SH3KBP1: variants seen among roughly 807,000 people sequenced by gnomAD.
SH3KBP1 encodes SH3 domain-containing kinase-binding protein 1.
A neutral mutation model predicts 50.1 loss-of-function variants in SH3KBP1; 8 were observed. The observed-to-expected ratio is 0.16, with a 90% CI of 0.09 to 0.29. The LOEUF (loss-of-function observed/expected upper bound fraction) is 0.29, where lower values mean the gene tolerates loss of function less well. Among genes scored for constraint, SH3KBP1 ranks in the 10% least tolerant of loss-of-function variants. The pLI is 1.00. For missense variants in SH3KBP1, 377 were observed against 535.2 expected, an observed-to-expected ratio of 0.70 and a Z score of 2.92; for synonymous variants, 227 against 218.6, an observed-to-expected ratio of 1.04 and a Z score of -0.34.
intron 2 of SH3KBP1, among the ~76,000 whole-genome samples, chrX:19,798,136 G>A (rs1034837609): frequency 3.6e-5 from 4 of 111,131 alleles, no homozygotes; most frequent in African/African-American, 1.3e-4. Flanking sequence ...CCAGGCTGGA[G>A]TGCAGTAGCG....
intron 3 of SH3KBP1, among the ~76,000 whole-genome samples, chrX:19,722,569 G>GGTGTGTGTGTGTGTGT (rs55675573): frequency 2.4e-5 from 2 of 84,259 alleles, no homozygotes; most frequent in African/African-American, 9.2e-5. Flanking sequence ...CGTGCGCACT[G>GGTGTGTGTGTGTGTGT]GTGTGTGTGT....
intron 14 of SH3KBP1, among the ~76,000 whole-genome samples, chrX:19,548,349 G>T (rs1439272481): frequency 9.0e-6 from 1 of 111,553 alleles, no homozygotes; most frequent in Non-Finnish European, 1.9e-5. Context: ...CAAAAATGAT[G>T]AAGGATTTAC....
chrX:19,613,985 G>A (rs994756966), intron 8 of SH3KBP1, among the ~76,000 whole-genome samples: 4 of 112,886 alleles, frequency 3.5e-5, no homozygotes, highest in African/African-American at 6.4e-5. Flanking sequence ...GGCCTGGTCC[G>A]AATCCCTGAG....
At chrX:19,802,878 C>A (rs1463675570) in intron 2 of SH3KBP1, among the ~76,000 whole-genome samples, 1 of 111,605 alleles carries the variant, frequency 9.0e-6, no homozygotes, top group Non-Finnish European at 1.9e-5. Context: ...TCAACAGATG[C>A]CCACTGGACT....
At chrX:19,852,257 C>T (rs775916186) in intron 1 of SH3KBP1, among the ~76,000 whole-genome samples, 1 of 111,252 alleles carries the variant, frequency 9.0e-6, no homozygotes, top group East Asian at 2.8e-4. Context: ...TCGTTCCAGC[C>T]CCCAGCTGTC....
intron 2 of SH3KBP1, among the ~76,000 whole-genome samples, chrX:19,803,446 G>C (rs1169945293): frequency 8.9e-6 from 1 of 111,926 alleles, no homozygotes; most frequent in Non-Finnish European, 1.9e-5. Context: ...CTGGTCTCAA[G>C]TGATCCTCCT....
chrX:19,690,068 T>C (rs954083333), intron 5 of SH3KBP1, among the ~76,000 whole-genome samples: 1 of 107,580 alleles, frequency 9.3e-6, no homozygotes, highest in Non-Finnish European at 1.9e-5. Flanking sequence ...CTCTTTTTTT[T>C]TTTTTTTTTG....
chrX:19,764,501 C>A (rs1027594915), intron 2 of SH3KBP1, among the ~76,000 whole-genome samples: 1 of 110,510 alleles, frequency 9.0e-6, no homozygotes, highest in African/African-American at 3.3e-5. Flanking sequence ...AACAAATACC[C>A]AGAGGCCCCC....
intron 9 of SH3KBP1, among the ~76,000 whole-genome samples, chrX:19,599,035 T>C (rs2066996405): frequency 9.0e-6 from 1 of 111,536 alleles, no homozygotes. Flanking sequence ...CACAGAAGAA[T>C]GAAGTATGCC....
At chrX:19,840,963 T>C (rs1360548590) in intron 1 of SH3KBP1, among the ~76,000 whole-genome samples, 1 of 112,014 alleles carries the variant, frequency 8.9e-6, no homozygotes, top group Non-Finnish European at 1.9e-5. Flanking sequence ...GTTAACCCCA[T>C]GTTACAAAAA....
At chrX:19,746,822 T>C (rs868209243) in intron 2 of SH3KBP1, among the ~76,000 whole-genome samples, 1 of 112,251 alleles carries the variant, frequency 8.9e-6, no homozygotes, top group South Asian at 3.7e-4. Flanking sequence ...ATTTATCTTC[T>C]TCTCAACAGA....
chrX:19,809,263 C>A (rs755772227), intron 2 of SH3KBP1, among the ~76,000 whole-genome samples: 7 of 112,003 alleles, frequency 6.2e-5, no homozygotes, highest in African/African-American at 1.3e-4. Flanking sequence ...CGGTAGCTCA[C>A]GCCTGTAATC....
intron 2 of SH3KBP1, among the ~76,000 whole-genome samples, chrX:19,821,534 CT>C (rs1243657637): frequency 2.8e-5 from 3 of 109,036 alleles, no homozygotes; most frequent in Admixed American, 9.8e-5. Flanking sequence ...GTTTAAAAAA[CT>C]TTTTTTTTTC....
intron 1 of SH3KBP1, among the ~76,000 whole-genome samples, chrX:19,864,657 G>A (rs1016488583): frequency 4.5e-5 from 5 of 112,182 alleles, no homozygotes; most frequent in African/African-American, 1.6e-4. Flanking sequence ...ATGCAGCCCA[G>A]TCAGCACTTT....
chrX:19,629,113 A>C (rs2061521047), intron 8 of SH3KBP1, among the ~76,000 whole-genome samples: 1 of 110,893 alleles, frequency 9.0e-6, no homozygotes, highest in Non-Finnish European at 1.9e-5. Flanking sequence ...TCTCAAAAAC[A>C]AAATAAAGCA....
intron 9 of SH3KBP1, among the ~76,000 whole-genome samples, chrX:19,603,499 G>T (rs1328126790): frequency 8.9e-6 from 1 of 112,005 alleles, no homozygotes; most frequent in Non-Finnish European, 1.9e-5. Context: ...ATCTTCGAGG[G>T]CAGGTTTCTG....
intron 12 of SH3KBP1, among the ~76,000 whole-genome samples, chrX:19,578,881 A>G (rs1339964573): frequency 8.9e-6 from 1 of 111,824 alleles, no homozygotes; most frequent in Non-Finnish European, 1.9e-5. Context: ...GATGGAGGGC[A>G]GGAGGAGCCT....
chrX:19,728,151 T>C (rs889329826), intron 3 of SH3KBP1, among the ~76,000 whole-genome samples: 2 of 111,862 alleles, frequency 1.8e-5, no homozygotes, highest in Non-Finnish European at 3.8e-5. Context: ...TCAGAAAAGC[T>C]TGGGACCAGA....
intron 2 of SH3KBP1, among the ~76,000 whole-genome samples, chrX:19,834,509 T>A (rs1421005425): frequency 8.9e-6 from 1 of 112,171 alleles, no homozygotes; most frequent in Non-Finnish European, 1.9e-5. Flanking sequence ...CTAGTTAATA[T>A]TTCCCATGAG....
Sources: allele counts gnomAD v4.1 joint callset (sites outside exome capture counted in the v4.1 genomes callset), GRCh38; gene constraint gnomAD v4.1.1; transcripts MANE v1.5; gene names NCBI Gene and HGNC (gene_info 2026-07-23, HGNC 2026-07-21).